The following BNIP3L variants were observed in gnomAD, a reference collection of about 807,000 sequenced individuals.
The protein encoded by BNIP3L is BCL2/adenovirus E1B 19 kDa protein-interacting protein 3-like.
BNIP3L carries 10 observed loss-of-function variants against 25.5 expected under a neutral mutation model. The ratio of observed to expected loss-of-function variants is 0.39; its 90% CI spans 0.24 to 0.67. The LOEUF is 0.67. BNIP3L is among the 30% of genes least tolerant of loss of function. BNIP3L has a pLI of 0.45. For synonymous variants in BNIP3L, 113 were observed against 101.2 expected, an observed-to-expected ratio of 1.12 and a Z score of -0.70; for missense variants, 215 against 270.9, an observed-to-expected ratio of 0.79 and a Z score of 1.45.
chr8:26,410,423 A>C lies in BNIP3L; in HGVS notation c.*11A>C, dbSNP rs758846739. 14 of 1,614,094 alleles carry C rather than the reference A, an allele frequency of 8.7e-6. No individual in the cohort carries two copies. The highest frequency in any genetic ancestry group is 1.6e-4 in the Middle Eastern group (1 of 6,062). ...GCCAGCACCTACTGAGGGAAAGGAAAAGCCCCTGGAAATGCGTGTGACCTG... is the reference window on the plus strand; with the variant it reads ...GCCAGCACCTACTGAGGGAAAGGAACAGCCCCTGGAAATGCGTGTGACCTG... On this transcript the variant is annotated 3_prime_UTR_variant, in exon 6 of 6. Coordinates refer to ENST00000380629, the MANE Select transcript of BNIP3L (RefSeq NM_004331.3).
intron 3 of BNIP3L, among the ~76,000 whole-genome samples, chr8:26,406,270 G>T (rs1156716341): frequency 6.6e-6 from 1 of 152,016 alleles, no homozygotes; most frequent in Non-Finnish European, 1.5e-5. Context: ...AAAAACTTTT[G>T]GCTAACATAG....
Position 26,411,735 on chromosome 8 carries a change from G to T in BNIP3L, c.*1323G>T, listed in dbSNP as rs1432326875. The T allele has an allele frequency of 6.6e-6, 1 of 152,606 alleles. No homozygotes were observed. The highest frequency in any genetic ancestry group is 2.1e-4 in the South Asian group (1 of 4,834). The allele number at this position is 152,606 out of a possible 1,614,324, so 9.5% of individuals were successfully genotyped here. On this transcript the variant is annotated 3_prime_UTR_variant, in exon 6 of 6. Coordinates refer to ENST00000380629, the MANE Select transcript of BNIP3L (RefSeq NM_004331.3). The stretch of plus-strand genomic sequence containing the variant: ...TTGTTAGAAAGCATCAGGATGACCA[G>T]TTATCTCGAGTAGATTTTCTTGGAT...
At chr8:26,408,163 A>G (rs1355899399) in intron 4 of BNIP3L, 60 bp downstream of exon 4, 33 of 1,610,986 alleles carry the variant, frequency 2.0e-5, no homozygotes, top group East Asian at 1.1e-4. Context: ...CTTACAGGCA[A>G]TGGGCCTGGT....
intron 1 of BNIP3L, among the ~76,000 whole-genome samples, chr8:26,384,100 C>T (rs1352340865): frequency 6.6e-6 from 1 of 152,160 alleles, no homozygotes; most frequent in Non-Finnish European, 1.5e-5. Flanking sequence ...TTCCGCTGCC[C>T]AGACATCTTG....
At chr8:26,401,358 T>C (rs1307572553) in intron 3 of BNIP3L, among the ~76,000 whole-genome samples, 2 of 148,418 alleles carry the variant, frequency 1.3e-5, no homozygotes, top group East Asian at 3.9e-4. Flanking sequence ...TAGGTGGGAA[T>C]TGAACAATGA....
At chr8:26,398,925 A>G (rs1233533718) in intron 3 of BNIP3L, among the ~76,000 whole-genome samples, 4 of 151,408 alleles carry the variant, frequency 2.6e-5, no homozygotes, top group African/African-American at 4.8e-5. Flanking sequence ...GCAATAATCA[A>G]TAGTTTACCA....
At chr8:26,390,555 G>A (rs1204193454) in intron 1 of BNIP3L, 1 of 984,192 alleles carries the variant, frequency 1.0e-6, no homozygotes, top group African/African-American at 1.7e-5. Context: ...GGACTAGAAA[G>A]CCTGAGATAC....
chr8:26,384,279 C>T (rs983627738), intron 1 of BNIP3L, among the ~76,000 whole-genome samples: 1 of 152,130 alleles, frequency 6.6e-6, no homozygotes, highest in Non-Finnish European at 1.5e-5. Flanking sequence ...CAGTATCTTT[C>T]GTAAGAGGGA....
intron 3 of BNIP3L, among the ~76,000 whole-genome samples, chr8:26,406,505 G>A (rs191384578): frequency 1.2e-4 from 18 of 152,054 alleles, no homozygotes; most frequent in Non-Finnish European, 1.9e-4. Context: ...TTTTTATAGG[G>A]TTATTTGTTG....
At chr8:26,384,785 C>T (rs1469256495) in intron 1 of BNIP3L, among the ~76,000 whole-genome samples, 2 of 146,728 alleles carry the variant, frequency 1.4e-5, no homozygotes, top group African/African-American at 5.1e-5. Context: ...ACAACCTCCG[C>T]CTCCCAGGTT....
chr8:26,383,412 C>T (rs1484131561), intron 1 of BNIP3L, 182 bp downstream of exon 1: 5 of 1,431,926 alleles, frequency 3.5e-6, no homozygotes, highest in East Asian at 5.1e-5. Context: ...TTGCTCCGGG[C>T]CTCTCTGTTG....
intron 2 of BNIP3L, among the ~76,000 whole-genome samples, chr8:26,392,021 G>A (rs1171120691): frequency 6.6e-6 from 1 of 152,172 alleles, no homozygotes; most frequent in Admixed American, 6.5e-5. Flanking sequence ...TTTCTCAGGG[G>A]ATGTTTTGTT....
chr8:26,395,191 T>G (rs1806206536), intron 2 of BNIP3L, 39 bp from the exon 3 acceptor site: 5 of 1,598,702 alleles, frequency 3.1e-6, no homozygotes, highest in Non-Finnish European at 4.3e-6. Context: ...TTTGACAAAG[T>G]GAGAATTAAA....
Position 26,383,485 on chromosome 8 carries a change from C to T in BNIP3L, c.100+255C>T, listed in dbSNP as rs1044531037. The stretch of plus-strand genomic sequence containing the variant: ...CGGTCCGGGAGCGGCGCGGGTAGCG[C>T]GGATCCCCCTGGTGCGGGGGGTGGT... On this transcript the variant is annotated intron_variant, in intron 1 of 5. Transcript: ENST00000380629. The T allele has an allele frequency of 5.1e-6, 6 of 1,166,152 alleles. No individual in the cohort carries two copies. In the African/African-American group the frequency reaches 5.2e-5, roughly 10 times the overall value. The allele number at this position is 1,166,152 out of a possible 1,614,324, so 72.2% of individuals were successfully genotyped here.
At chr8:26,388,282 T>G (rs1429273360) in intron 1 of BNIP3L, among the ~76,000 whole-genome samples, 1 of 152,258 alleles carries the variant, frequency 6.6e-6, no homozygotes, top group East Asian at 1.9e-4. Flanking sequence ...GGGACCTTTC[T>G]TATTGTTCTG....
chr8:26,395,749 G>T (rs548790873), intron 3 of BNIP3L: 1 of 170,906 alleles, frequency 5.9e-6, no homozygotes, highest in Non-Finnish European at 1.3e-5. Flanking sequence ...GACAGTGGGC[G>T]CAGGCCAGTG....
chr8:26,391,334 C>G lies in BNIP3L; in HGVS notation c.192C>G (p.Ser64=). The change falls in exon 2 of 6, where the codon TCC becomes TCG. Residue 64 remains serine, a synonymous_variant. Transcript: ENST00000380629. The part of the protein sequence containing the change: ...NGGLEHVPSS[S]SIHNGDMEKI... ...GGCTGGAACACGTACCATCCTCATCCTCCATCCACAATGGAGACATGGAGA... is the reference window on the plus strand; with the variant it reads ...GGCTGGAACACGTACCATCCTCATCGTCCATCCACAATGGAGACATGGAGA... 6.2e-7 allele frequency: 1 copy of G among 1,611,626 alleles called. No homozygotes were observed. The highest frequency in any genetic ancestry group is 8.5e-7 in the Non-Finnish European group (1 of 1,179,116).
chr8:26,391,069 C>G (rs968248105), intron 1 of BNIP3L, among the ~76,000 whole-genome samples, 174 bp from the exon 2 acceptor site: 1 of 152,162 alleles, frequency 6.6e-6, no homozygotes, highest in African/African-American at 2.4e-5. Context: ...ATTTCAGGAA[C>G]AGAACTATAT....
intron 5 of BNIP3L, 72 bp downstream of exon 5, chr8:26,408,448 T>C: frequency 6.7e-7 from 1 of 1,495,258 alleles, no homozygotes; most frequent in Non-Finnish European, 9.0e-7. Flanking sequence ...AAGAAATGTA[T>C]GTGAAAGCAG....
Sources: gnomAD v4.1 joint callset for allele counts (sites outside exome capture counted in the v4.1 genomes callset) on GRCh38, gnomAD v4.1.1 for gene constraint, MANE v1.5 for transcripts, NCBI Gene and HGNC (gene_info 2026-07-23, HGNC 2026-07-21) for gene names.